Variants in CDH13 observed in about 807,000 individuals in gnomAD.
The protein encoded by CDH13 is cadherin 13, also known as cadherin-13.
In CDH13, 24 loss-of-function variants were observed where a neutral mutation model predicts 63.8. That is an observed-to-expected ratio of 0.38 (90% CI 0.27 to 0.53). CDH13 has a LOEUF of 0.53. CDH13 is among the 20% of genes least tolerant of loss of function. The pLI, the probability that CDH13 is intolerant of heterozygous loss-of-function variation, is 0.85. For synonymous variants in CDH13, 503 were observed against 355.3 expected, an observed-to-expected ratio of 1.42 and a Z score of -4.67; for missense variants, 1,049 against 903.1, an observed-to-expected ratio of 1.16 and a Z score of -2.07.
intron 2 of CDH13, among the ~76,000 whole-genome samples, chr16:82,930,071 G>C (rs574060720): frequency 8.2e-6 from 1 of 122,166 alleles, no homozygotes; most frequent in African/African-American, 3.0e-5. Context: ...TTGAGATAGA[G>C]TCTTACTCTG....
chr16:83,232,227 T>TTTTAAA (rs3049884), intron 5 of CDH13, among the ~76,000 whole-genome samples: 8 of 67,622 alleles, frequency 1.2e-4, no homozygotes, highest in African/African-American at 3.7e-4. Context: ...TTTTTTTTTT[T>TTTTAAA]AAAAAAAAAA....
intron 5 of CDH13, among the ~76,000 whole-genome samples, chr16:83,264,966 A>G (rs1245642119): frequency 2.0e-5 from 3 of 152,134 alleles, no homozygotes; most frequent in Non-Finnish European, 4.4e-5. Flanking sequence ...TACGACTCTG[A>G]TAGAATTTTC....
chr16:83,271,525 ACAAC>A (rs761175517), intron 5 of CDH13, among the ~76,000 whole-genome samples: 1 of 127,526 alleles, frequency 7.8e-6, no homozygotes, highest in Non-Finnish European at 1.7e-5. Context: ...CAAAACAACA[ACAAC>A]AAAAAAAAAC....
chr16:83,674,910 C>T (rs147338716), intron 9 of CDH13, among the ~76,000 whole-genome samples: 124 of 152,268 alleles, frequency 8.1e-4, no homozygotes, highest in Middle Eastern at 3.4e-3. Context: ...AGAAAGCATC[C>T]GTTATTCCCC....
intron 4 of CDH13, among the ~76,000 whole-genome samples, chr16:83,149,753 G>A (rs942475387): frequency 2.0e-5 from 3 of 152,132 alleles, no homozygotes; most frequent in Admixed American, 6.6e-5. Context: ...GGGTGCTGGG[G>A]CTGGCTCACG....
chr16:83,029,389 C>A (rs921767700), intron 2 of CDH13, among the ~76,000 whole-genome samples: 1 of 151,940 alleles, frequency 6.6e-6, no homozygotes, highest in African/African-American at 2.4e-5. Context: ...ATTTGGAGCC[C>A]CAAAGTGGAA....
At chr16:83,032,339 C>A (rs1025242610) in intron 3 of CDH13, 121 bp downstream of exon 3, 3 of 753,602 alleles carry the variant, frequency 4.0e-6, no homozygotes, top group South Asian at 2.0e-5. Flanking sequence ...ATTGTTGTTG[C>A]AAATGACAGA....
intron 4 of CDH13, among the ~76,000 whole-genome samples, chr16:83,193,949 C>G (rs937928768): frequency 6.6e-6 from 1 of 152,184 alleles, no homozygotes; most frequent in Non-Finnish European, 1.5e-5. Context: ...AATGTCAAGT[C>G]TCCCTAAACG....
chr16:83,729,573 C>G (rs569154129), intron 10 of CDH13, among the ~76,000 whole-genome samples: 2 of 152,338 alleles, frequency 1.3e-5, no homozygotes, highest in Non-Finnish European at 2.9e-5. Context: ...TTGGACAACT[C>G]TATCACTTAC....
chr16:83,049,795 A>G (rs2030085808), intron 3 of CDH13, among the ~76,000 whole-genome samples: 1 of 152,154 alleles, frequency 6.6e-6, no homozygotes, highest in South Asian at 2.1e-4. Context: ...TATGAACAAC[A>G]CTGCTACCAA....
rs1909862388 is a variant in CDH13 at position 82,644,628 on chromosome 16, G to C, written c.45+17491G>C. ...CTGTACGTGTCTTCATAGGTCTCCA[G>C]TCTGTAAAAGCAACCACGCTTTGGG... On this transcript the variant is annotated intron_variant, in intron 1 of 13. Coordinates refer to ENST00000567109, the MANE Select transcript of CDH13 (RefSeq NM_001257.5). The surrounding 1 kb of genome is among the most constrained non-coding windows in gnomAD (Gnocchi z 5.7). 6.6e-6 allele frequency among the ~76,000 whole-genome samples: 1 copy of C among 152,144 alleles called. No homozygotes were observed. Among genetic ancestry groups the C allele is most frequent in the Admixed American group, 6.5e-5 (1 of 15,276 alleles).
chr16:83,483,031 C>G (rs1458543074), intron 6 of CDH13, among the ~76,000 whole-genome samples: 3 of 152,144 alleles, frequency 2.0e-5, no homozygotes, highest in Non-Finnish European at 4.4e-5. Context: ...GAAAATAGGT[C>G]ATCCCATGAA....
chr16:83,332,690 G>C (rs1158049033), intron 5 of CDH13, among the ~76,000 whole-genome samples: 1 of 152,054 alleles, frequency 6.6e-6, no homozygotes, highest in Non-Finnish European at 1.5e-5. Context: ...AGTTCTACTT[G>C]AACCAATTAA....
rs541718180 is a variant in CDH13 at position 83,235,860 on chromosome 16, C to T, written c.636+18363C>T. On this transcript the variant is annotated intron_variant, in intron 5 of 13. Transcript: ENST00000567109. Reference sequence around the variant, plus strand: ...AGACACTTTTTTCTTTTTTGTCACTCACTGCATTCGAGGTCCTTAAACTTG... The same window carrying T: ...AGACACTTTTTTCTTTTTTGTCACTTACTGCATTCGAGGTCCTTAAACTTG... Among the ~76,000 whole-genome samples, 11 of 152,118 alleles carry T rather than the reference C, an allele frequency of 7.2e-5. No homozygotes were observed. The South Asian group carries it at 8.3e-4, about 11-fold the overall frequency.
At chr16:82,852,470 A>G (rs539465620) in intron 1 of CDH13, among the ~76,000 whole-genome samples, 83 of 152,270 alleles carry the variant, frequency 5.5e-4, no homozygotes, top group African/African-American at 2.0e-3. Context: ...ATAGGAGAAG[A>G]GAAGATATCA....
At chr16:82,791,395 G>T (rs529049497) in intron 1 of CDH13, among the ~76,000 whole-genome samples, 1 of 152,204 alleles carries the variant, frequency 6.6e-6, no homozygotes, top group Non-Finnish European at 1.5e-5. Flanking sequence ...AGGTAAAGAA[G>T]TAGTCAAATC....
chr16:83,701,526 G>A (rs146931833), intron 10 of CDH13, among the ~76,000 whole-genome samples: 12 of 152,282 alleles, frequency 7.9e-5, no homozygotes, highest in African/African-American at 2.6e-4. Flanking sequence ...GTGGGAGACT[G>A]AAGCTATATC....
chr16:83,310,285 G>C (rs2089971121), intron 5 of CDH13, among the ~76,000 whole-genome samples: 1 of 152,192 alleles, frequency 6.6e-6, no homozygotes, highest in Non-Finnish European at 1.5e-5. Context: ...ATAAATAGCA[G>C]TCTAAGATAC....
intron 3 of CDH13, among the ~76,000 whole-genome samples, chr16:83,054,194 C>T (rs1177093752): frequency 6.6e-6 from 1 of 152,178 alleles, no homozygotes; most frequent in Non-Finnish European, 1.5e-5. Flanking sequence ...AATCAACTAA[C>T]AATGCATTTC....
Sources: allele counts gnomAD v4.1 joint callset (sites outside exome capture counted in the v4.1 genomes callset), GRCh38; gene constraint gnomAD v4.1.1; non-coding constraint Gnocchi (gnomAD v3.1); transcripts MANE v1.5; gene names NCBI Gene and HGNC (gene_info 2026-07-23, HGNC 2026-07-21).